Variants in STXBP6 observed in about 807,000 individuals in gnomAD.
The protein encoded by STXBP6 is syntaxin-binding protein 6.
In STXBP6, 21 loss-of-function variants were observed where a neutral mutation model predicts 26.9. The observed-to-expected ratio is 0.78, with a 90% confidence interval of 0.55 to 1.12. The LOEUF is 1.12. STXBP6 is among the 50% of genes most tolerant of loss of function. STXBP6 has a pLI of 0.00. For synonymous variants in STXBP6, 97 were observed against 92.6 expected (o/e 1.05, Z -0.27); for missense variants, 232 against 257.9 (o/e 0.90, Z 0.69).
intron 4 of STXBP6, among the ~76,000 whole-genome samples, chr14:24,850,539 T>C (rs977819822): frequency 6.6e-6 from 1 of 152,182 alleles, no homozygotes; most frequent in African/African-American, 2.4e-5. Flanking sequence ...AATAAAATTG[T>C]CTGGATTAAC....
At chr14:24,997,098 A>C (rs1176027826) in intron 1 of STXBP6, among the ~76,000 whole-genome samples, 1 of 152,138 alleles carries the variant, frequency 6.6e-6, no homozygotes, top group African/African-American at 2.4e-5. Context: ...AAGTGACTTT[A>C]TGGAGATTCA....
intron 2 of STXBP6, among the ~76,000 whole-genome samples, chr14:24,883,271 C>T (rs1356708880): frequency 1.3e-5 from 2 of 151,810 alleles, no homozygotes; most frequent in African/African-American, 2.4e-5. Context: ...TTAAAAAATA[C>T]ACTCTTTATT....
intron 4 of STXBP6, among the ~76,000 whole-genome samples, chr14:24,840,317 A>G (rs760718827): frequency 1.3e-5 from 2 of 152,218 alleles, no homozygotes; most frequent in Non-Finnish European, 2.9e-5. Context: ...AGGGCTGTGT[A>G]TGTGACAGAG....
chr14:24,964,080 G>C (rs1226708445), intron 2 of STXBP6, among the ~76,000 whole-genome samples: 4 of 151,628 alleles, frequency 2.6e-5, no homozygotes, highest in Non-Finnish European at 4.4e-5. Context: ...GGCAGTCTCA[G>C]CTCTTATAGA....
chr14:24,935,235 C>T (rs983213346), intron 2 of STXBP6, among the ~76,000 whole-genome samples: 1 of 152,112 alleles, frequency 6.6e-6, no homozygotes, highest in Non-Finnish European at 1.5e-5. Context: ...GTTAATCCTG[C>T]AGGGCCTCTT....
chr14:25,029,916 C>A (rs552182426), intron 1 of STXBP6, among the ~76,000 whole-genome samples: 1 of 151,726 alleles, frequency 6.6e-6, no homozygotes, highest in Non-Finnish European at 1.5e-5. Context: ...TATCACACAC[C>A]AGAGGCCAAT....
intron 2 of STXBP6, among the ~76,000 whole-genome samples, chr14:24,891,507 T>C (rs1490751794): frequency 6.6e-6 from 1 of 152,182 alleles, no homozygotes; most frequent in Non-Finnish European, 1.5e-5. Context: ...TTCCCCATCC[T>C]GTAAAGAAAG....
chr14:24,873,662 C>T (rs778353416), intron 2 of STXBP6, among the ~76,000 whole-genome samples: 47 of 152,194 alleles, frequency 3.1e-4, no homozygotes, highest in Non-Finnish European at 1.2e-4. Flanking sequence ...GTGCCTTCTG[C>T]GTGCGACATT....
chr14:24,900,273 G>A (rs374200366), intron 2 of STXBP6, among the ~76,000 whole-genome samples: 7 of 152,084 alleles, frequency 4.6e-5, no homozygotes, highest in South Asian at 2.1e-4. Flanking sequence ...TCAGAACCAC[G>A]TTTCAACCCA....
chr14:24,945,569 C>T (rs2072958934), intron 2 of STXBP6, among the ~76,000 whole-genome samples: 1 of 151,702 alleles, frequency 6.6e-6, no homozygotes, highest in Non-Finnish European at 1.5e-5. Flanking sequence ...GACCCTGTCT[C>T]AAAAACAAAA....
intron 1 of STXBP6, 117 bp from the exon 2 acceptor site, chr14:24,974,967 C>T: frequency 1.7e-6 from 1 of 592,152 alleles, no homozygotes; most frequent in Admixed American, 3.5e-5. Context: ...AGTTTAATCT[C>T]ATAATTGCTT....
At chr14:24,872,472 C>T (rs544939593) in intron 2 of STXBP6, among the ~76,000 whole-genome samples, 12 of 152,228 alleles carry the variant, frequency 7.9e-5, no homozygotes, top group Admixed American at 3.3e-4. Flanking sequence ...CCCTGTATAG[C>T]AGAGACACAT....
chr14:24,927,035 A>C (rs1390848051), intron 2 of STXBP6, among the ~76,000 whole-genome samples: 1 of 152,246 alleles, frequency 6.6e-6, no homozygotes, highest in Non-Finnish European at 1.5e-5. Context: ...GACGCAAACA[A>C]GTAAAACTTT....
At chr14:24,893,844 A>G (rs2070878954) in intron 2 of STXBP6, among the ~76,000 whole-genome samples, 1 of 152,244 alleles carries the variant, frequency 6.6e-6, no homozygotes, top group African/African-American at 2.4e-5. Context: ...GCTTTACAGT[A>G]AAATAATTCT....
At chr14:24,940,705 C>A (rs1175212503) in intron 2 of STXBP6, among the ~76,000 whole-genome samples, 1 of 152,144 alleles carries the variant, frequency 6.6e-6, no homozygotes, top group Non-Finnish European at 1.5e-5. Flanking sequence ...TCAGCCCAAC[C>A]CTAAATAGAC....
intron 1 of STXBP6, among the ~76,000 whole-genome samples, chr14:24,994,520 T>C (rs915176379): frequency 6.6e-6 from 1 of 152,164 alleles, no homozygotes; most frequent in Non-Finnish European, 1.5e-5. Flanking sequence ...CCATCTCTGC[T>C]CCTCCAGTTA....
chr14:24,870,192 G>C (rs915335161), intron 2 of STXBP6, among the ~76,000 whole-genome samples: 1 of 152,008 alleles, frequency 6.6e-6, no homozygotes, highest in Admixed American at 6.6e-5. Flanking sequence ...TGGAATTTGA[G>C]GCAGAAATCA....
intron 2 of STXBP6, among the ~76,000 whole-genome samples, chr14:24,964,992 C>T (rs1243032170): frequency 3.3e-5 from 5 of 152,158 alleles, no homozygotes; most frequent in African/African-American, 1.2e-4. Flanking sequence ...CCAATATACC[C>T]AGTATTGTGC....
intron 1 of STXBP6, among the ~76,000 whole-genome samples, chr14:25,043,675 C>G (rs965676532): frequency 2.0e-5 from 3 of 152,216 alleles, no homozygotes; most frequent in Non-Finnish European, 2.9e-5. Flanking sequence ...ATTGCGTACA[C>G]TTCATAATGG....
Sources: gnomAD v4.1 joint callset for allele counts (sites outside exome capture counted in the v4.1 genomes callset) on GRCh38, gnomAD v4.1.1 for gene constraint, MANE v1.5 for transcripts, NCBI Gene and HGNC (gene_info 2026-07-23, HGNC 2026-07-21) for gene names.